Variants in DMD observed in about 807,000 individuals in gnomAD.
DMD encodes mutant dystrophin.
In DMD, 63 loss-of-function variants were observed where a neutral mutation model predicts 330.1. The observed-to-expected ratio is 0.19, with a 90% CI of 0.16 to 0.24. The LOEUF (loss-of-function observed/expected upper bound fraction) is 0.24, where lower values mean the gene tolerates loss of function less well. Ranked by LOEUF, DMD falls within the 10% of genes least tolerant of loss-of-function variation. The pLI is 1.00. For synonymous variants in DMD, 1,223 were observed against 959.8 expected (o/e 1.27, Z -5.07); for missense variants, 3,344 against 2,684.1 (o/e 1.25, Z -5.43).
At chrX:31,652,554 C>T (rs921784609) in intron 54 of DMD, among the ~76,000 whole-genome samples, 1 of 111,574 alleles carries the variant, frequency 9.0e-6, no homozygotes, top group Non-Finnish European at 1.9e-5. Flanking sequence ...TCTTACTACG[C>T]ACTAGGCATT....
intron 11 of DMD, among the ~76,000 whole-genome samples, chrX:32,616,049 C>G (rs750159358): frequency 1.1e-4 from 12 of 110,849 alleles, no homozygotes; most frequent in South Asian, 3.8e-4. Context: ...TTGTAGTATG[C>G]CTCTCAGTGG....
At chrX:33,338,035 C>G (rs903840593) in intron 1 of DMD, among the ~76,000 whole-genome samples, 2 of 112,176 alleles carry the variant, frequency 1.8e-5, no homozygotes, top group East Asian at 5.6e-4. Context: ...TTCTGTATTA[C>G]ATAGACAGTT....
chrX:32,937,597 C>G (rs1479324950), intron 2 of DMD, among the ~76,000 whole-genome samples: 2 of 106,908 alleles, frequency 1.9e-5, no homozygotes, highest in South Asian at 8.7e-4. Flanking sequence ...GGTAAACAAC[C>G]TTAAGGCAGC....
At chrX:32,704,153 G>C (rs1235948318) in intron 7 of DMD, among the ~76,000 whole-genome samples, 1 of 111,783 alleles carries the variant, frequency 8.9e-6, no homozygotes, top group Admixed American at 9.6e-5. Flanking sequence ...GAATAAAGAA[G>C]TTGAACCTCA....
intron 1 of DMD, among the ~76,000 whole-genome samples, chrX:33,323,150 A>G: frequency 8.9e-6 from 1 of 112,053 alleles, no homozygotes. Flanking sequence ...TCTTAAGCCC[A>G]TAACTGGCAA....
intron 55 of DMD, among the ~76,000 whole-genome samples, chrX:31,625,413 G>C (rs1251459423): frequency 9.0e-6 from 1 of 111,664 alleles, no homozygotes; most frequent in Non-Finnish European, 1.9e-5. Flanking sequence ...CGGGTACACT[G>C]AAAGTTATGT....
At chrX:32,316,732 T>A (rs1232128441) in intron 41 of DMD, among the ~76,000 whole-genome samples, 2 of 111,374 alleles carry the variant, frequency 1.8e-5, no homozygotes, top group Admixed American at 9.6e-5. Context: ...ATATATAGAC[T>A]TTTTTGTAAT....
intron 7 of DMD, among the ~76,000 whole-genome samples, chrX:32,732,398 G>A (rs1603299471): frequency 9.1e-6 from 1 of 110,403 alleles, no homozygotes; most frequent in African/African-American, 3.3e-5. Context: ...TTCAGATTCA[G>A]GAAATACAGA....
rs1470282383 is a variant in DMD, at chrX:33,009,705, C to CGTATATGTGTATATGTGT, written c.93+10416_93+10433dup. On this transcript the variant is annotated intron_variant, in intron 2 of 78. Transcript: ENST00000357033. ...GTGTATATGCACATATGTGTGTATA[C>CGTATATGTGTATATGTGT]GTATATGTGTATATGTGTGTATATG... Among the ~76,000 whole-genome samples, 5 of 57,100 alleles carry CGTATATGTGTATATGTGT rather than the reference C, an allele frequency of 8.8e-5. 1 individual carries two copies. The highest frequency in any genetic ancestry group is 1.3e-4 in the African/African-American group (2 of 15,852). The allele number at this position is 57,100 out of a possible 115,157, so 49.6% of individuals were successfully genotyped here.
At chrX:33,171,773 AGAGAGCAAAATGGTTAAGAAGGTGAT>A (rs2049360149) in intron 1 of DMD, among the ~76,000 whole-genome samples, 1 of 111,655 alleles carries the variant, frequency 9.0e-6, no homozygotes, top group Admixed American at 9.6e-5. Flanking sequence ...GAAACAGAAG[AGAGAGCAAAATGGTTAAGAAGGTGAT>A]GAGAAAATGA....
intron 9 of DMD, among the ~76,000 whole-genome samples, chrX:32,688,454 A>G (rs1330523401): frequency 8.9e-6 from 1 of 112,257 alleles, no homozygotes; most frequent in African/African-American, 3.2e-5. Flanking sequence ...TTATAAATAT[A>G]ATGCAAAATG....
intron 44 of DMD, among the ~76,000 whole-genome samples, chrX:32,182,452 C>A (rs1923429450): frequency 9.0e-6 from 1 of 111,430 alleles, no homozygotes. Flanking sequence ...GATGGTGCCT[C>A]ATGAACAAAC....
intron 1 of DMD, among the ~76,000 whole-genome samples, chrX:33,076,114 A>G (rs757808855): frequency 9.3e-6 from 1 of 107,067 alleles, no homozygotes; most frequent in Admixed American, 9.8e-5. Flanking sequence ...AAACTGGCTC[A>G]TCTCATCCTA....
intron 63 of DMD, among the ~76,000 whole-genome samples, chrX:31,235,433 A>G (rs1056222622): frequency 8.9e-6 from 1 of 112,546 alleles, no homozygotes; most frequent in African/African-American, 3.2e-5. Context: ...ATACTGATAG[A>G]AATGACTGAT....
chrX:32,429,518 G>T (rs1278188009), intron 29 of DMD, among the ~76,000 whole-genome samples: 3 of 104,500 alleles, frequency 2.9e-5, no homozygotes, highest in African/African-American at 1.0e-4. Flanking sequence ...CCGGCCGCTG[G>T]TATTTTTCTA....
At chrX:32,689,499 T>C (rs1179203155) in intron 9 of DMD, among the ~76,000 whole-genome samples, 1 of 111,342 alleles carries the variant, frequency 9.0e-6, no homozygotes, top group African/African-American at 3.3e-5. Flanking sequence ...TAAAGAAAAT[T>C]AATGCCAATG....
intron 15 of DMD, among the ~76,000 whole-genome samples, chrX:32,567,437 G>A (rs761764358): frequency 1.4e-4 from 16 of 111,638 alleles, no homozygotes; most frequent in Middle Eastern, 4.6e-3. Context: ...TAACTCTGTC[G>A]CCCAGGCTGG....
intron 52 of DMD, 33 bp from the exon 53 acceptor site, chrX:31,679,619 T>A (rs2082267000): frequency 9.1e-7 from 1 of 1,103,068 alleles, no homozygotes; most frequent in Admixed American, 2.2e-5. Flanking sequence ...TATATAGTAG[T>A]AAATGCTAGT....
chrX:32,503,040 G>T (rs2044219575), intron 18 of DMD, among the ~76,000 whole-genome samples: 1 of 111,260 alleles, frequency 9.0e-6, no homozygotes, highest in South Asian at 3.8e-4. Flanking sequence ...AAATTTAAAG[G>T]TTACATGTGA....
Sources: gnomAD v4.1 joint callset for allele counts (sites outside exome capture counted in the v4.1 genomes callset) on GRCh38, gnomAD v4.1.1 for gene constraint, MANE v1.5 for transcripts, NCBI Gene and HGNC (gene_info 2026-07-23, HGNC 2026-07-21) for gene names.